The following TANGO6 variants were observed in gnomAD, a reference collection of about 807,000 sequenced individuals.
TANGO6 encodes transport and golgi organization 6 homolog, also known as transport and Golgi organization protein 6 homolog.
A neutral mutation model predicts 114.2 loss-of-function variants in TANGO6; 90 were observed. That is an observed-to-expected ratio of 0.79 (90% confidence interval 0.66 to 0.94). The LOEUF (loss-of-function observed/expected upper bound fraction) is 0.94, where lower values mean the gene tolerates loss of function less well. Ranked by LOEUF, TANGO6 falls within the 40% of genes least tolerant of loss-of-function variation. The pLI, the probability that TANGO6 is intolerant of heterozygous loss-of-function variation, is 0.00. For missense variants in TANGO6, 1,274 were observed against 1,315.3 expected (o/e 0.97, Z 0.49); for synonymous variants, 477 against 509.8 (o/e 0.94, Z 0.87).
At position 68,843,660 on chromosome 16, in the gene TANGO6, T is replaced by G; in HGVS notation, c.43T>G (p.Cys15Gly). ...CGTGGGCAGCGGGGCTCAGGAGACATGCGGTCTGGATCGGATTTTGGAGGC... is the reference window on the plus strand; with the variant it reads ...CGTGGGCAGCGGGGCTCAGGAGACAGGCGGTCTGGATCGGATTTTGGAGGC... ...QAVGSGAQET[C>G]GLDRILEALK... The change falls in exon 1 of 18, where the codon TGC becomes GGC. Residue 15 changes from cysteine (C) to glycine (G), a missense_variant. Coordinates refer to ENST00000261778, the MANE Select transcript of TANGO6 (RefSeq NM_024562.2). 6.2e-7 allele frequency: 1 copy of G among 1,613,698 alleles called. No homozygotes were observed.
chr16:68,866,248 T>G (rs1005152338), intron 3 of TANGO6, among the ~76,000 whole-genome samples: 11 of 152,310 alleles, frequency 7.2e-5, no homozygotes, highest in African/African-American at 2.2e-4. Context: ...TGTAAAGTTT[T>G]TTTTTTTTTT....
intron 2 of TANGO6, among the ~76,000 whole-genome samples, chr16:68,862,300 C>T (rs960305832): frequency 6.6e-6 from 1 of 152,214 alleles, no homozygotes; most frequent in East Asian, 1.9e-4. Context: ...CTGTAACCTC[C>T]GCCTCCCGGG....
In TANGO6 at chr16:69,000,262, A is replaced by G. The variant is rs576392204; in HGVS notation, c.2843-22566A>G. ...ACAGTGCTTCCTGTATGCTTTTAAT[A>G]TACCAAATATGTCATTTTTTGACTT... On this transcript the variant is annotated intron_variant, in intron 15 of 17. Coordinates refer to ENST00000261778, the MANE Select transcript of TANGO6 (RefSeq NM_024562.2). Among the ~76,000 whole-genome samples the G allele has an allele frequency of 2.0e-5, 3 of 152,364 alleles. No homozygotes were observed. The East Asian group carries it at 5.8e-4, about 29-fold the overall frequency.
At chr16:68,896,726 G>A (rs1006976881) in intron 7 of TANGO6, among the ~76,000 whole-genome samples, 1 of 152,110 alleles carries the variant, frequency 6.6e-6, no homozygotes, top group African/African-American at 2.4e-5. Flanking sequence ...ATTGTGTATA[G>A]ATCAAGGAGA....
At chr16:69,014,394 C>T (rs1487257216) in intron 15 of TANGO6, among the ~76,000 whole-genome samples, 1 of 152,168 alleles carries the variant, frequency 6.6e-6, no homozygotes, top group Non-Finnish European at 1.5e-5. Flanking sequence ...AGAACTGGGT[C>T]ACATGCCCAT....
At chr16:68,975,945 T>A (rs1286956866) in intron 15 of TANGO6, among the ~76,000 whole-genome samples, 2 of 152,094 alleles carry the variant, frequency 1.3e-5, no homozygotes, top group East Asian at 3.9e-4. Flanking sequence ...GTTGTTGTTG[T>A]TATTTTTGCA....
chr16:68,899,170 A>C (rs1251888561), intron 7 of TANGO6, among the ~76,000 whole-genome samples: 1 of 152,042 alleles, frequency 6.6e-6, no homozygotes, highest in African/African-American at 2.4e-5. Flanking sequence ...GCTACCTGTG[A>C]GGCTGAGATG....
intron 9 of TANGO6, among the ~76,000 whole-genome samples, chr16:68,906,005 C>G (rs899910302): frequency 3.9e-5 from 6 of 152,024 alleles, no homozygotes; most frequent in African/African-American, 1.4e-4. Context: ...ATAGTGAAAC[C>G]CTGTCTCTAC....
At chr16:69,059,797 A>T (rs1235804671) in intron 17 of TANGO6, among the ~76,000 whole-genome samples, 1 of 152,104 alleles carries the variant, frequency 6.6e-6, no homozygotes, top group Non-Finnish European at 1.5e-5. Context: ...ATGGTAAGGG[A>T]ACTATAGCCA....
At chr16:69,022,778 A>G in intron 15 of TANGO6, 50 bp from the exon 16 acceptor site, 1 of 1,519,704 alleles carries the variant, frequency 6.6e-7, no homozygotes, top group Non-Finnish European at 8.9e-7. Context: ...CTTTTTTAAG[A>G]AGTTGAAATT....
At chr16:68,966,165 G>T (rs1331092568) in intron 14 of TANGO6, among the ~76,000 whole-genome samples, 3 of 152,296 alleles carry the variant, frequency 2.0e-5, no homozygotes, top group Non-Finnish European at 4.4e-5. Flanking sequence ...AGTTGAAGCT[G>T]CAGTGAGCTG....
intron 17 of TANGO6, 74 bp downstream of exon 17, chr16:69,040,495 G>A: frequency 7.8e-7 from 1 of 1,282,056 alleles, no homozygotes; most frequent in South Asian, 1.3e-5. Flanking sequence ...CCTTTTACCA[G>A]GGAAGGCCTC....
rs760901901 is a variant in TANGO6 at position 68,867,034 on chromosome 16, C to T, written c.853-45C>T. 7 of 815,438 alleles carry T rather than the reference C, an allele frequency of 8.6e-6. No individual in the cohort carries two copies. In the South Asian group the frequency reaches 1.1e-4, roughly 13 times the overall value. The allele number at this position is 815,438 out of a possible 1,614,324, so 50.5% of individuals were successfully genotyped here. ...GAGCCACTACGCCCGGCCATCATAT[C>T]TATTTCAGTGACATTCAGAATTCAC... On this transcript the variant is annotated intron_variant, in intron 3 of 17. Transcript: ENST00000261778.
Position 69,026,024 on chromosome 16 carries a change from CAG to C in TANGO6, c.2994+3048_2994+3049del, listed in dbSNP as rs1959496330. On this transcript the variant is annotated intron_variant, in intron 16 of 17. Coordinates refer to ENST00000261778, the MANE Select transcript of TANGO6 (RefSeq NM_024562.2). ...TTTCTTTTTTTTTTTTTTCTTGAGA[CAG>C]AGTTTCACTCTGTTGCCCAGGCTGG... 5.4e-5 allele frequency: 8 copies of C among 148,520 alleles called. No individual in the cohort carries two copies. The Admixed American group carries it at 5.5e-4, about 10-fold the overall frequency. The allele number at this position is 148,520 out of a possible 1,614,324, so 9.2% of individuals were successfully genotyped here.
At chr16:68,966,562 T>C (rs1963647830) in intron 14 of TANGO6, among the ~76,000 whole-genome samples, 1 of 152,084 alleles carries the variant, frequency 6.6e-6, no homozygotes, top group South Asian at 2.1e-4. Context: ...CACTGGTTTT[T>C]AGTATATTTT....
chr16:68,999,612 G>T (rs991489904), intron 15 of TANGO6, among the ~76,000 whole-genome samples: 2 of 152,132 alleles, frequency 1.3e-5, no homozygotes, highest in Non-Finnish European at 2.9e-5. Flanking sequence ...AAATCAGATA[G>T]AGAGAAAGAA....
intron 15 of TANGO6, among the ~76,000 whole-genome samples, chr16:68,994,375 T>A (rs1963972739): frequency 1.3e-5 from 2 of 152,154 alleles, no homozygotes; most frequent in South Asian, 4.1e-4. Flanking sequence ...CCTCTTTTTT[T>A]CTTCCCCTCT....
intron 15 of TANGO6, among the ~76,000 whole-genome samples, chr16:68,975,688 G>A (rs558017643): frequency 4.5e-4 from 69 of 151,814 alleles, no homozygotes; most frequent in African/African-American, 1.6e-3. Flanking sequence ...CTCCCACATA[G>A]CTGGGACTAC....
At chr16:69,022,549 C>CA (rs1959425735) in intron 15 of TANGO6, among the ~76,000 whole-genome samples, 1 of 151,872 alleles carries the variant, frequency 6.6e-6, no homozygotes. Context: ...ACAAAAAATA[C>CA]AAAAATTAGC....
Sources: allele counts gnomAD v4.1 joint callset (sites outside exome capture counted in the v4.1 genomes callset), GRCh38; gene constraint gnomAD v4.1.1; transcripts MANE v1.5; gene names NCBI Gene and HGNC (gene_info 2026-07-23, HGNC 2026-07-21).